Variants in NLGN1 observed in about 807,000 individuals in gnomAD.
The protein encoded by NLGN1 is neuroligin-1.
NLGN1 carries 12 observed loss-of-function variants against 65.5 expected under a neutral mutation model. The observed-to-expected ratio is 0.18, with a 90% CI of 0.12 to 0.30. The LOEUF is 0.30. Ranked by LOEUF, NLGN1 falls within the 10% of genes least tolerant of loss-of-function variation. The pLI is 1.00. For missense variants in NLGN1, 750 were observed against 1,007.1 expected (o/e 0.74, Z 3.46); for synonymous variants, 350 against 359.5 (o/e 0.97, Z 0.30).
At chr3:173,692,172 C>T (rs910553938) in intron 3 of NLGN1, among the ~76,000 whole-genome samples, 10 of 152,058 alleles carry the variant, frequency 6.6e-5, no homozygotes, top group Non-Finnish European at 1.0e-4. Flanking sequence ...GCATTCTCAA[C>T]TGGAAATCAA....
intron 2 of NLGN1, among the ~76,000 whole-genome samples, chr3:173,561,795 A>G (rs1223381919): frequency 6.6e-6 from 1 of 152,188 alleles, no homozygotes; most frequent in African/African-American, 2.4e-5. Flanking sequence ...GAATACAGAG[A>G]TTATTTAAGA....
intron 3 of NLGN1, among the ~76,000 whole-genome samples, chr3:173,697,300 TA>T (rs1228570424): frequency 4.6e-5 from 7 of 152,296 alleles, no homozygotes; most frequent in Middle Eastern, 3.4e-3. Flanking sequence ...TTTATTTATT[TA>T]TTTTTTACAT....
intron 2 of NLGN1, among the ~76,000 whole-genome samples, chr3:173,599,003 T>C (rs1004811235): frequency 1.3e-5 from 2 of 152,138 alleles, no homozygotes; most frequent in African/African-American, 4.8e-5. Flanking sequence ...TACTGAACAT[T>C]CTTTCTGCTG....
At chr3:173,445,355 TG>T in intron 2 of NLGN1, among the ~76,000 whole-genome samples, 1 of 152,296 alleles carries the variant, frequency 6.6e-6, no homozygotes, top group East Asian at 1.9e-4. Context: ...TTGTTTTATT[TG>T]GTATTCTAGT....
intron 3 of NLGN1, among the ~76,000 whole-genome samples, chr3:173,789,644 C>G (rs536097062): frequency 2.0e-5 from 3 of 152,324 alleles, no homozygotes; most frequent in East Asian, 1.9e-4. Context: ...GGCTCTTTGA[C>G]TACAGAATTT....
intron 4 of NLGN1, among the ~76,000 whole-genome samples, chr3:173,991,445 CAA>C (rs1358770483): frequency 6.6e-6 from 1 of 152,082 alleles, no homozygotes; most frequent in Non-Finnish European, 1.5e-5. Context: ...GCAGGGCTGT[CAA>C]ATTAAATTTT....
rs952491979 is a variant in NLGN1 at position 173,747,077 on chromosome 3, C to T, written c.494-60603C>T. Among the ~76,000 whole-genome samples, 24 of 150,620 alleles carry T rather than the reference C, an allele frequency of 1.6e-4. 1 individual carries two copies. The East Asian group carries it at 3.8e-3, about 24-fold the overall frequency. ...TTATATATACACACACACACACACA[C>T]ACACACACACACACAAACACACACG... On this transcript the variant is annotated intron_variant, in intron 3 of 6. Coordinates refer to ENST00000457714, the Ensembl canonical transcript of NLGN1.
intron 3 of NLGN1, among the ~76,000 whole-genome samples, chr3:173,740,109 A>T (rs973866063): frequency 2.0e-5 from 3 of 152,132 alleles, no homozygotes; most frequent in Non-Finnish European, 2.9e-5. Flanking sequence ...GACTATTAAG[A>T]TTCAAAAATA....
intron 2 of NLGN1, among the ~76,000 whole-genome samples, chr3:173,548,735 A>G (rs574791781): frequency 1.3e-5 from 2 of 152,046 alleles, no homozygotes; most frequent in Admixed American, 6.6e-5. Flanking sequence ...ACACGCTAAC[A>G]CGTGTGTGTA....
In NLGN1 at chr3:173,834,075, C is replaced by T. The variant is rs1438651862; in HGVS notation, c.646+26243C>T. On this transcript the variant is annotated intron_variant, in intron 4 of 6. Coordinates refer to ENST00000457714, the Ensembl canonical transcript of NLGN1. ...ATGAAAGAAAAAAATCAAACTTTTTCTCTCAACACCATGTTTTTCTTAATT... is the reference window on the plus strand; with the variant it reads ...ATGAAAGAAAAAAATCAAACTTTTTTTCTCAACACCATGTTTTTCTTAATT... 2.0e-5 allele frequency among the ~76,000 whole-genome samples: 3 copies of T among 152,182 alleles called. No homozygotes were observed. The East Asian group carries it at 5.8e-4, about 29-fold the overall frequency.
rs563805143 is a variant in NLGN1 at position 174,031,290 on chromosome 3, A to G, written c.646+223458A>G. Among the ~76,000 whole-genome samples, 3 of 152,234 alleles carry G rather than the reference A, an allele frequency of 2.0e-5. No individual in the cohort carries two copies. The South Asian group carries it at 6.2e-4, about 32-fold the overall frequency. On this transcript the variant is annotated intron_variant, in intron 4 of 6. Transcript: ENST00000457714. The stretch of plus-strand genomic sequence containing the variant: ...CAGGCTAACTTTCCCTAGCCTTCCC[A>G]TTTCCTGACTCCAACAGATTCAGAG...
At chr3:173,947,404 T>G (rs927787955) in intron 4 of NLGN1, among the ~76,000 whole-genome samples, 5 of 152,198 alleles carry the variant, frequency 3.3e-5, no homozygotes, top group African/African-American at 1.2e-4. Context: ...TAGTACTTAC[T>G]GTATGCCAGG....
intron 4 of NLGN1, among the ~76,000 whole-genome samples, chr3:174,051,159 T>C (rs1250703358): frequency 6.6e-6 from 1 of 152,054 alleles, no homozygotes; most frequent in Non-Finnish European, 1.5e-5. Context: ...AAGTGTTTTC[T>C]TAGATAAAGT....
chr3:173,504,936 C>A (rs763009683), intron 2 of NLGN1, among the ~76,000 whole-genome samples: 3 of 152,084 alleles, frequency 2.0e-5, no homozygotes, highest in Admixed American at 6.6e-5. Flanking sequence ...GGCCTCAAAT[C>A]TAAAGAGCAG....
chr3:173,757,465 A>G (rs140187931), intron 3 of NLGN1, among the ~76,000 whole-genome samples: 1 of 152,050 alleles, frequency 6.6e-6, no homozygotes, highest in Admixed American at 6.6e-5. Flanking sequence ...TAAACCATTT[A>G]CTATGGTTTA....
At chr3:174,087,214 C>A (rs1459359623) in intron 4 of NLGN1, among the ~76,000 whole-genome samples, 1 of 152,030 alleles carries the variant, frequency 6.6e-6, no homozygotes, top group Non-Finnish European at 1.5e-5. Context: ...TACAACAAAC[C>A]CCGTGACATG....
intron 4 of NLGN1, among the ~76,000 whole-genome samples, chr3:174,164,450 T>G (rs1382782617): frequency 6.6e-6 from 1 of 151,912 alleles, no homozygotes; most frequent in South Asian, 2.1e-4. Context: ...TTGTCAATTT[T>G]TGGCTTTGTT....
chr3:173,947,535 TA>T (rs766115749), intron 4 of NLGN1, among the ~76,000 whole-genome samples: 9 of 152,210 alleles, frequency 5.9e-5, no homozygotes, highest in Non-Finnish European at 1.2e-4. Context: ...CGTTATTTTT[TA>T]AATAATTACG....
At chr3:173,681,826 A>G (rs1349114679) in intron 3 of NLGN1, among the ~76,000 whole-genome samples, 1 of 152,216 alleles carries the variant, frequency 6.6e-6, no homozygotes, top group Non-Finnish European at 1.5e-5. Flanking sequence ...CCATCAATAC[A>G]GTGCTAATAA....
Sources: gnomAD v4.1 joint callset for allele counts (sites outside exome capture counted in the v4.1 genomes callset) on GRCh38, gnomAD v4.1.1 for gene constraint, MANE v1.5 for transcripts, NCBI Gene and HGNC (gene_info 2026-07-23, HGNC 2026-07-21) for gene names.